Variants in PITPNC1 observed in about 807,000 individuals in gnomAD.
The protein encoded by PITPNC1 is phosphatidylinositol transfer protein cytoplasmic 1, also known as cytoplasmic phosphatidylinositol transfer protein 1.
In PITPNC1, 18 loss-of-function variants were observed where a neutral mutation model predicts 44.7. The ratio of observed to expected loss-of-function variants is 0.40; its 90% CI spans 0.28 to 0.60. PITPNC1 has a LOEUF of 0.60. Among genes scored for constraint, PITPNC1 ranks in the 20% least tolerant of loss-of-function variants. The pLI is 0.39. For synonymous variants in PITPNC1, 141 were observed against 149.6 expected, an observed-to-expected ratio of 0.94 and a Z score of 0.42; for missense variants, 290 against 418.4, an observed-to-expected ratio of 0.69 and a Z score of 2.68.
At chr17:67,543,790 G>T (rs1341679569) in intron 2 of PITPNC1, among the ~76,000 whole-genome samples, 1 of 152,164 alleles carries the variant, frequency 6.6e-6, no homozygotes, top group African/African-American at 2.4e-5. Flanking sequence ...TATGATGGTT[G>T]CCTAATATAT....
At chr17:67,452,500 G>T (rs896425183) in intron 1 of PITPNC1, among the ~76,000 whole-genome samples, 8 of 149,848 alleles carry the variant, frequency 5.3e-5, no homozygotes, top group Non-Finnish European at 1.0e-4. Flanking sequence ...ATACTTTAAG[G>T]AGTGGAATTG....
At chr17:67,673,051 A>G (rs1259090456) in intron 7 of PITPNC1, among the ~76,000 whole-genome samples, 1 of 152,058 alleles carries the variant, frequency 6.6e-6, no homozygotes, top group African/African-American at 2.4e-5. Context: ...AATTTGAGAC[A>G]CTCAGCACTC....
At chr17:67,583,433 C>G (rs1454146711) in intron 5 of PITPNC1, among the ~76,000 whole-genome samples, 1 of 151,650 alleles carries the variant, frequency 6.6e-6, no homozygotes, top group Non-Finnish European at 1.5e-5. Flanking sequence ...ACTAAAAATA[C>G]AAAAATTAGC....
chr17:67,394,551 T>C (rs2038186833), intron 1 of PITPNC1, among the ~76,000 whole-genome samples: 1 of 152,140 alleles, frequency 6.6e-6, no homozygotes, highest in East Asian at 1.9e-4. Context: ...TCATTGGCTA[T>C]AGGGAGTTGA....
chr17:67,498,219 C>A (rs2039981675), intron 1 of PITPNC1, among the ~76,000 whole-genome samples: 1 of 151,482 alleles, frequency 6.6e-6, no homozygotes, highest in African/African-American at 2.4e-5. Context: ...GAAACTGGCT[C>A]CCTCATATCT....
intron 4 of PITPNC1, among the ~76,000 whole-genome samples, chr17:67,572,123 T>C (rs1210453832): frequency 6.6e-6 from 1 of 152,220 alleles, no homozygotes; most frequent in East Asian, 1.9e-4. Context: ...TTTTCTGTTT[T>C]AGCCAATGGC....
chr17:67,605,225 A>G (rs2041593660), intron 5 of PITPNC1, among the ~76,000 whole-genome samples: 1 of 152,188 alleles, frequency 6.6e-6, no homozygotes. Context: ...CCTATCTCAT[A>G]GTCCCTATGT....
chr17:67,512,726 T>TACAC (rs1315321592), intron 1 of PITPNC1, among the ~76,000 whole-genome samples: 2 of 152,182 alleles, frequency 1.3e-5, no homozygotes, highest in Non-Finnish European at 2.9e-5. Context: ...ATAATGGTGT[T>TACAC]CACTCAATAT....
In PITPNC1 at chr17:67,430,402, C is replaced by T. The variant is rs578063306; in HGVS notation, c.48+52200C>T. Among the ~76,000 whole-genome samples, 103 of 151,866 alleles carry T rather than the reference C, an allele frequency of 6.8e-4. 1 individual carries two copies. The highest frequency in any genetic ancestry group is 6.1e-4 in the African/African-American group (25 of 41,320). ...ACTTGGGAGGCTGAGGCAGGAGGATCGCTTGAACTCGGGAGGTGGAGGTTG... is the reference window on the plus strand; with the variant it reads ...ACTTGGGAGGCTGAGGCAGGAGGATTGCTTGAACTCGGGAGGTGGAGGTTG... On this transcript the variant is annotated intron_variant, in intron 1 of 8. Coordinates refer to ENST00000581322, the MANE Select transcript of PITPNC1 (RefSeq NM_012417.4).
At chr17:67,472,400 C>T (rs1409141852) in intron 1 of PITPNC1, among the ~76,000 whole-genome samples, 3 of 126,706 alleles carry the variant, frequency 2.4e-5, no homozygotes, top group Admixed American at 1.8e-4. Context: ...GTAATCCCAA[C>T]ACTTTGGGAG....
chr17:67,528,891 T>C (rs1271804094), intron 1 of PITPNC1, among the ~76,000 whole-genome samples: 1 of 152,078 alleles, frequency 6.6e-6, no homozygotes, highest in African/African-American at 2.4e-5. Flanking sequence ...TGAGAGTCAA[T>C]ACGAGATTTA....
intron 1 of PITPNC1, among the ~76,000 whole-genome samples, chr17:67,509,905 G>A (rs2040159680): frequency 6.6e-6 from 1 of 152,200 alleles, no homozygotes; most frequent in Non-Finnish European, 1.5e-5. Flanking sequence ...TGGATTTGGA[G>A]CTTTGAAACA....
intron 2 of PITPNC1, among the ~76,000 whole-genome samples, chr17:67,538,538 T>C (rs560021948): frequency 1.2e-4 from 18 of 152,210 alleles, no homozygotes; most frequent in Non-Finnish European, 2.9e-5. Flanking sequence ...AGGTGGAGGT[T>C]GCAATGAGCC....
chr17:67,506,906 C>T (rs1227262054), intron 1 of PITPNC1, among the ~76,000 whole-genome samples: 1 of 152,038 alleles, frequency 6.6e-6, no homozygotes, highest in Non-Finnish European at 1.5e-5. Flanking sequence ...AGAATATGTA[C>T]CCAAATGTTA....
chr17:67,456,532 A>T (rs1380140185), intron 1 of PITPNC1, among the ~76,000 whole-genome samples: 1 of 151,900 alleles, frequency 6.6e-6, no homozygotes, highest in Non-Finnish European at 1.5e-5. Flanking sequence ...GAGTTTTACC[A>T]GGTTTTCTCT....
intron 1 of PITPNC1, among the ~76,000 whole-genome samples, chr17:67,489,584 T>A (rs947371688): frequency 6.6e-6 from 1 of 152,122 alleles, no homozygotes; most frequent in African/African-American, 2.4e-5. Context: ...AGATTCTGAT[T>A]TCATTGGTTT....
intron 1 of PITPNC1, among the ~76,000 whole-genome samples, chr17:67,507,260 G>A (rs1230911837): frequency 6.6e-6 from 1 of 152,166 alleles, no homozygotes; most frequent in African/African-American, 2.4e-5. Context: ...TAACCGGGGT[G>A]GATGATGCTG....
At chr17:67,588,218 G>C (rs188742859) in intron 5 of PITPNC1, among the ~76,000 whole-genome samples, 1 of 152,242 alleles carries the variant, frequency 6.6e-6, no homozygotes, top group Non-Finnish European at 1.5e-5. Context: ...TGGCCACGCT[G>C]ATCTTGAACT....
At chr17:67,501,577 A>C (rs966437901) in intron 1 of PITPNC1, among the ~76,000 whole-genome samples, 1 of 152,130 alleles carries the variant, frequency 6.6e-6, no homozygotes, top group Admixed American at 6.5e-5. Context: ...CACGCCTGTA[A>C]TTCCAGCAAT....
Sources: allele counts gnomAD v4.1 joint callset (sites outside exome capture counted in the v4.1 genomes callset), GRCh38; gene constraint gnomAD v4.1.1; transcripts MANE v1.5; gene names NCBI Gene and HGNC (gene_info 2026-07-23, HGNC 2026-07-21).